MTBP: variants seen among roughly 807,000 people sequenced by gnomAD.
MTBP encodes the protein mdm2-binding protein.
A neutral mutation model predicts 117.0 loss-of-function variants in MTBP; 101 were observed. The ratio of observed to expected loss-of-function variants is 0.86; its 90% CI spans 0.73 to 1.02. The LOEUF is 1.02. Ranked by LOEUF, MTBP falls within the 50% of genes least tolerant of loss-of-function variation. The pLI, the probability that MTBP is intolerant of heterozygous loss-of-function variation, is 0.00. For synonymous variants in MTBP, 350 were observed against 351.5 expected (o/e 1.00, Z 0.05); for missense variants, 970 against 1,030.9 (o/e 0.94, Z 0.81).
At chr8:120,481,567 G>A (rs543027035) in intron 11 of MTBP, among the ~76,000 whole-genome samples, 1 of 152,100 alleles carries the variant, frequency 6.6e-6, no homozygotes, top group Admixed American at 6.6e-5. Context: ...ATTATTTATT[G>A]TCAGATCATA....
At chr8:120,484,741 C>A (rs1483454637) in intron 11 of MTBP, among the ~76,000 whole-genome samples, 1 of 152,174 alleles carries the variant, frequency 6.6e-6, no homozygotes, top group Non-Finnish European at 1.5e-5. Context: ...ACTATCACCA[C>A]AGTCAAGTTT....
intron 10 of MTBP, 59 bp downstream of exon 10, chr8:120,463,820 A>T (rs1382143649): frequency 1.4e-6 from 2 of 1,476,890 alleles, no homozygotes; most frequent in Non-Finnish European, 1.9e-6. Flanking sequence ...CCATTTAAGG[A>T]TGTGTAAGAA....
intron 16 of MTBP, 36 bp downstream of exon 16, chr8:120,506,897 T>A (rs1563803754): frequency 2.0e-6 from 3 of 1,510,566 alleles, no homozygotes; most frequent in Non-Finnish European, 1.8e-6. Flanking sequence ...GTTAACTTTT[T>A]AAAAATTACT....
rs763063282 is a variant in MTBP at position 120,445,431 on chromosome 8, G to A, written c.-40G>A. The A allele has an allele frequency of 7.1e-6, 11 of 1,558,042 alleles. 1 individual carries two copies. The East Asian group carries it at 2.5e-4, about 35-fold the overall frequency. On this transcript the variant is annotated 5_prime_UTR_variant, in exon 1 of 22. The change creates a premature stop within an existing upstream ORF in the 5' untranslated region. Coordinates refer to ENST00000305949, the MANE Select transcript of MTBP (RefSeq NM_022045.5). ...TCATAGCGCGCGTCTGTTTGGATGT[G>A]GAAGCCGAGACCTAAAGTTGGGGGG...
At chr8:120,466,537 G>A (rs560948325) in intron 10 of MTBP, among the ~76,000 whole-genome samples, 3 of 151,362 alleles carry the variant, frequency 2.0e-5, no homozygotes, top group Non-Finnish European at 4.4e-5. Context: ...TTTTGAAAAA[G>A]TGTTTAATTA....
chr8:120,465,508 T>C (rs1038757956), intron 10 of MTBP, among the ~76,000 whole-genome samples: 4 of 152,174 alleles, frequency 2.6e-5, no homozygotes, highest in Admixed American at 6.5e-5. Flanking sequence ...CTTTGAAGTT[T>C]ATGTGGCCCA....
intron 14 of MTBP, among the ~76,000 whole-genome samples, chr8:120,500,245 A>G (rs922896225): frequency 5.9e-5 from 9 of 152,098 alleles, no homozygotes; most frequent in Admixed American, 2.6e-4. Flanking sequence ...GGCTGTCAGC[A>G]TAGCCCAGCG....
chr8:120,496,789 C>G (rs900718190), intron 13 of MTBP, among the ~76,000 whole-genome samples: 7 of 151,918 alleles, frequency 4.6e-5, no homozygotes, highest in Admixed American at 1.3e-4. Context: ...ACCTGCAGTT[C>G]TGACTTCTTG....
intron 4 of MTBP, chr8:120,452,936 C>A (rs1388928511): frequency 6.6e-6 from 1 of 151,620 alleles, no homozygotes; most frequent in Non-Finnish European, 1.5e-5. Context: ...ACATAAGATG[C>A]CTTAAGTTTC....
intron 11 of MTBP, among the ~76,000 whole-genome samples, chr8:120,487,851 G>A (rs544661320): frequency 6.6e-6 from 1 of 152,304 alleles, no homozygotes; most frequent in South Asian, 2.1e-4. Context: ...TTAAAGAAAT[G>A]GAAGCTGTAA....
chr8:120,495,505 A>AT (rs936040038), intron 13 of MTBP, among the ~76,000 whole-genome samples: 9 of 151,284 alleles, frequency 5.9e-5, no homozygotes, highest in East Asian at 3.9e-4. Flanking sequence ...TGAAATCTGA[A>AT]TTTTTTTTTA....
intron 9 of MTBP, 122 bp from the exon 10 acceptor site, chr8:120,463,570 A>G (rs888169653): frequency 1.4e-6 from 1 of 725,640 alleles, no homozygotes; most frequent in Non-Finnish European, 2.2e-6. Flanking sequence ...TAACTGCTAC[A>G]GTTAAATTTT....
intron 16 of MTBP, among the ~76,000 whole-genome samples, chr8:120,508,397 A>G (rs1224076126): frequency 6.6e-6 from 1 of 152,190 alleles, no homozygotes; most frequent in Admixed American, 6.5e-5. Flanking sequence ...GAGAGACAAT[A>G]TGGTAAAGGA....
chr8:120,467,486 C>T (rs1813723453), intron 10 of MTBP, among the ~76,000 whole-genome samples: 1 of 152,068 alleles, frequency 6.6e-6, no homozygotes, highest in African/African-American at 2.4e-5. Context: ...GGCGTGGTGG[C>T]ATGCGCCTAC....
At chr8:120,515,161 C>T (rs1279022734) in intron 17 of MTBP, among the ~76,000 whole-genome samples, 2 of 151,910 alleles carry the variant, frequency 1.3e-5, no homozygotes, top group Non-Finnish European at 2.9e-5. Flanking sequence ...TTAATTTGTA[C>T]AGTGCTACCA....
intron 11 of MTBP, among the ~76,000 whole-genome samples, chr8:120,486,025 T>G (rs1247232626): frequency 6.6e-6 from 1 of 152,218 alleles, no homozygotes; most frequent in Non-Finnish European, 1.5e-5. Flanking sequence ...TGCTTTATTG[T>G]TTTTGACAAT....
chr8:120,497,337 A>G (rs1474408778), intron 13 of MTBP, 56 bp from the exon 14 acceptor site: 23 of 1,416,238 alleles, frequency 1.6e-5, no homozygotes, highest in Non-Finnish European at 1.8e-5. Context: ...ACAAAAGACT[A>G]GTAGATGAGC....
In MTBP at chr8:120,451,227, A is replaced by AGT. The variant is rs771730702; in HGVS notation, c.331_332insTG (p.Asp111ValfsTer57). 1 of 1,611,514 alleles carries AGT rather than the reference A, an allele frequency of 6.2e-7. No homozygotes were observed. Among genetic ancestry groups the AGT allele is most frequent in the Non-Finnish European group, 8.5e-7 (1 of 1,178,224 alleles). On this transcript the variant is annotated frameshift_variant, in exon 4 of 22. Coordinates refer to ENST00000305949, the MANE Select transcript of MTBP (RefSeq NM_022045.5). LOFTEE classifies it high-confidence loss of function. Reference sequence around the variant, plus strand: ...TTGATACAGAAAAAGATAAAATTGAAGATGTTCTTCAAACGAATATCGAAG... The same window carrying AGT: ...TTGATACAGAAAAAGATAAAATTGAAGTGATGTTCTTCAAACGAATATCGAAG...
chr8:120,493,496 T>A (rs1203618866), intron 13 of MTBP, among the ~76,000 whole-genome samples: 3 of 74,208 alleles, frequency 4.0e-5, no homozygotes, highest in African/African-American at 2.1e-4. Flanking sequence ...ATATATATAA[T>A]TTTTTTTTTT....
Sources: gnomAD v4.1 joint callset for allele counts (sites outside exome capture counted in the v4.1 genomes callset) on GRCh38, gnomAD v4.1.1 for gene constraint, MANE v1.5 for transcripts, NCBI Gene and HGNC (gene_info 2026-07-23, HGNC 2026-07-21) for gene names.